Variants in GRM7 observed in about 807,000 individuals in gnomAD.
GRM7 encodes the protein glutamate metabotropic receptor 7, also known as metabotropic glutamate receptor 7.
GRM7 carries 35 observed loss-of-function variants against 84.5 expected under a neutral mutation model. That is an observed-to-expected ratio of 0.41 (90% CI 0.32 to 0.55). The LOEUF (loss-of-function observed/expected upper bound fraction) is 0.55, where lower values mean the gene tolerates loss of function less well. Among genes scored for constraint, GRM7 ranks in the 20% least tolerant of loss-of-function variants. The pLI is 0.19. For missense variants in GRM7, 1,003 were observed against 1,194.6 expected, an observed-to-expected ratio of 0.84 and a Z score of 2.36; for synonymous variants, 487 against 455.1, an observed-to-expected ratio of 1.07 and a Z score of -0.89.
chr3:7,180,171 A>G (rs1337276107), intron 2 of GRM7, among the ~76,000 whole-genome samples: 1 of 152,258 alleles, frequency 6.6e-6, no homozygotes, highest in Non-Finnish European at 1.5e-5. Flanking sequence ...ATTAGTTGGT[A>G]CAACTTGCTA....
chr3:7,679,180 A>G (rs1392451107), intron 8 of GRM7, among the ~76,000 whole-genome samples: 2 of 152,198 alleles, frequency 1.3e-5, no homozygotes, highest in Non-Finnish European at 1.5e-5. Flanking sequence ...GGAACGTTCC[A>G]TACGTAGGAA....
intron 7 of GRM7, among the ~76,000 whole-genome samples, chr3:7,495,641 A>G (rs901408013): frequency 1.3e-5 from 2 of 152,136 alleles, no homozygotes; most frequent in South Asian, 2.1e-4. Context: ...CCGATTGCTT[A>G]TTTCTGATGT....
chr3:7,152,845 A>G (rs1015828811), intron 2 of GRM7, among the ~76,000 whole-genome samples: 3 of 152,226 alleles, frequency 2.0e-5, no homozygotes, highest in African/African-American at 7.2e-5. Context: ...CTGTAGAGCT[A>G]AAACAGTCAG....
At chr3:7,330,578 C>G (rs1232380562) in intron 4 of GRM7, among the ~76,000 whole-genome samples, 1 of 152,116 alleles carries the variant, frequency 6.6e-6, no homozygotes, top group Non-Finnish European at 1.5e-5. Context: ...CCATACTGTT[C>G]TTGTGGTAGT....
intron 8 of GRM7, among the ~76,000 whole-genome samples, chr3:7,664,418 G>A (rs768621881): frequency 6.6e-6 from 1 of 152,134 alleles, no homozygotes; most frequent in Non-Finnish European, 1.5e-5. Context: ...TCGGTAAAGG[G>A]GTCAGACTTT....
At chr3:7,666,759 CT>C (rs1224085767) in intron 8 of GRM7, among the ~76,000 whole-genome samples, 2 of 151,758 alleles carry the variant, frequency 1.3e-5, no homozygotes, top group African/African-American at 2.4e-5. Flanking sequence ...ATTATTATTA[CT>C]TCTTATTACA....
At chr3:7,274,733 C>T (rs760222676) in intron 2 of GRM7, among the ~76,000 whole-genome samples, 8 of 151,780 alleles carry the variant, frequency 5.3e-5, no homozygotes, top group Non-Finnish European at 1.0e-4. Context: ...GTTTGAAAAT[C>T]GTATGTTTAG....
At chr3:7,099,288 A>G (rs1698973927) in intron 1 of GRM7, among the ~76,000 whole-genome samples, 2 of 147,108 alleles carry the variant, frequency 1.4e-5, no homozygotes, top group Non-Finnish European at 3.0e-5. Flanking sequence ...CATGTATTAT[A>G]CATGTATATA....
intron 1 of GRM7, among the ~76,000 whole-genome samples, chr3:6,917,014 T>C (rs1169291916): frequency 2.0e-5 from 3 of 152,006 alleles, no homozygotes; most frequent in Non-Finnish European, 4.4e-5. Flanking sequence ...GAGGAGGAGG[T>C]GCAGATACTG....
At chr3:7,561,680 C>CCTG in intron 7 of GRM7, 1 of 382,994 alleles carries the variant, frequency 2.6e-6, no homozygotes, top group Non-Finnish European at 5.4e-6. Flanking sequence ...TTGTCTAATT[C>CCTG]TCTGAAGTTG....
intron 2 of GRM7, among the ~76,000 whole-genome samples, chr3:7,212,582 C>T (rs77651782): frequency 1.5e-4 from 23 of 152,146 alleles, no homozygotes; most frequent in South Asian, 4.2e-4. Context: ...CCTGGTCTCT[C>T]GGGAATACAG....
intron 2 of GRM7, among the ~76,000 whole-genome samples, chr3:7,284,347 TACAG>T (rs955505454): frequency 4.0e-4 from 61 of 151,608 alleles, no homozygotes; most frequent in African/African-American, 1.2e-3. Context: ...TGCACACTAG[TACAG>T]ACAATCAATA....
intron 1 of GRM7, among the ~76,000 whole-genome samples, chr3:7,102,291 A>G (rs1421650789): frequency 1.5e-5 from 2 of 129,674 alleles, no homozygotes; most frequent in South Asian, 4.5e-4. Context: ...TTGCCTTCGT[A>G]TGTATTTTTT....
intron 2 of GRM7, among the ~76,000 whole-genome samples, chr3:7,263,777 C>T (rs985756857): frequency 2.6e-5 from 4 of 151,988 alleles, no homozygotes; most frequent in Non-Finnish European, 5.9e-5. Flanking sequence ...GCTCTCTATG[C>T]CCACCAATAG....
chr3:7,420,819 G>T (rs1416751882), intron 5 of GRM7, among the ~76,000 whole-genome samples: 2 of 152,078 alleles, frequency 1.3e-5, no homozygotes, highest in Non-Finnish European at 2.9e-5. Flanking sequence ...ATAACTTTGA[G>T]GATTTAGTAA....
chr3:7,091,706 A>T (rs977819734), intron 1 of GRM7, among the ~76,000 whole-genome samples: 1 of 146,006 alleles, frequency 6.8e-6, no homozygotes, highest in Non-Finnish European at 1.5e-5. Context: ...CTATATAAAT[A>T]ACTTAATTAA....
At chr3:7,482,228 T>C (rs879927133) in intron 7 of GRM7, among the ~76,000 whole-genome samples, 1 of 152,036 alleles carries the variant, frequency 6.6e-6, no homozygotes, top group Non-Finnish European at 1.5e-5. Flanking sequence ...GAAATGAATA[T>C]TTCACACCAT....
chr3:7,691,137 G>A (rs1444837777), intron 9 of GRM7: 1 of 471,846 alleles, frequency 2.1e-6, no homozygotes, highest in Admixed American at 2.5e-5. Context: ...TGATCTAAAT[G>A]ACTATTCTCA....
Position 7,559,132 on chromosome 3 carries a change from C to CTT in GRM7, c.1516-19275_1516-19274dup, listed in dbSNP as rs4054096. ...AACAACACACATATATTAACAGTCG[C>CTT]TTTTTTTTTTTTTTTTCATTGAAAT... On this transcript the variant is annotated intron_variant, in intron 7 of 9. Transcript: ENST00000357716. 849 of 134,608 alleles carry CTT rather than the reference C, an allele frequency of 6.3e-3. 11 individuals carry two copies. Among genetic ancestry groups the CTT allele is most frequent in the African/African-American group, 0.019 (681 of 36,640 alleles). The allele number at this position is 134,608 out of a possible 1,614,324, so 8.3% of individuals were successfully genotyped here. A position where few individuals can be genotyped will look rare whatever the true frequency, so the allele number is the denominator to read the frequency against.
Sources: allele counts gnomAD v4.1 joint callset (sites outside exome capture counted in the v4.1 genomes callset), GRCh38; gene constraint gnomAD v4.1.1; transcripts MANE v1.5; gene names NCBI Gene and HGNC (gene_info 2026-07-23, HGNC 2026-07-21).